MAST4: variants seen among roughly 807,000 people sequenced by gnomAD.
MAST4 encodes microtubule-associated serine/threonine-protein kinase 4.
In MAST4, 89 loss-of-function variants were observed where a neutral mutation model predicts 162.7. The observed-to-expected ratio is 0.55, with a 90% CI of 0.46 to 0.65. The LOEUF is 0.65. Ranked by LOEUF, MAST4 falls within the 30% of genes least tolerant of loss-of-function variation. The pLI, the probability that MAST4 is intolerant of heterozygous loss-of-function variation, is 0.00. For missense variants in MAST4, 3,153 were observed against 3,374.0 expected (o/e 0.93, Z 1.62); for synonymous variants, 1,479 against 1,361.1 (o/e 1.09, Z -1.91).
At chr5:66,793,876 A>C (rs1484560386) in intron 3 of MAST4, among the ~76,000 whole-genome samples, 1 of 152,162 alleles carries the variant, frequency 6.6e-6, no homozygotes, top group African/African-American at 2.4e-5. Context: ...CCAGTATACC[A>C]TATCGTTTGC....
intron 1 of MAST4, among the ~76,000 whole-genome samples, chr5:66,604,530 G>C (rs926908024): frequency 1.3e-5 from 2 of 152,170 alleles, no homozygotes; most frequent in Non-Finnish European, 2.9e-5. Flanking sequence ...TAATGTTCTT[G>C]GTTTGTGCTT....
intron 4 of MAST4, among the ~76,000 whole-genome samples, chr5:66,986,922 A>G (rs967285656): frequency 1.3e-5 from 2 of 152,160 alleles, no homozygotes; most frequent in South Asian, 2.1e-4. Flanking sequence ...AAACGTGTCT[A>G]TATTTTGTTT....
At chr5:67,074,808 T>C (rs1561614283) in intron 5 of MAST4, among the ~76,000 whole-genome samples, 1 of 152,258 alleles carries the variant, frequency 6.6e-6, no homozygotes, top group Non-Finnish European at 1.5e-5. Flanking sequence ...TTTTATACTT[T>C]AATGTATTTT....
intron 1 of MAST4, among the ~76,000 whole-genome samples, chr5:66,631,631 T>C (rs1158850584): frequency 6.6e-6 from 1 of 152,092 alleles, no homozygotes; most frequent in Non-Finnish European, 1.5e-5. Context: ...TAATGTAACT[T>C]TGGACGTAAA....
rs562108363 is a variant in MAST4 at position 67,122,610 on chromosome 5, G to T, written c.1745+1508G>T. On this transcript the variant is annotated intron_variant, in intron 14 of 28. Transcript: ENST00000403625. ...CCTGAAGATTTCTTTCTTCATTAGG[G>T]AGAAGATTAAACTTTGATTTAATGG... Among the ~76,000 whole-genome samples the T allele has an allele frequency of 2.0e-5, 3 of 152,242 alleles. No individual in the cohort carries two copies. In the South Asian group the frequency reaches 6.2e-4, roughly 32 times the overall value.
intron 23 of MAST4, 29 bp downstream of exon 23, chr5:67,145,408 C>T: frequency 6.3e-7 from 1 of 1,584,890 alleles, no homozygotes; most frequent in African/African-American, 1.3e-5. Context: ...TGCCTGCTGT[C>T]CTCCTCACCA....
chr5:67,102,383 G>A (rs749447082), intron 8 of MAST4, 153 bp from the exon 9 acceptor site: 1 of 722,882 alleles, frequency 1.4e-6, no homozygotes, highest in African/African-American at 1.7e-5. Context: ...GTGTGCATGT[G>A]TACTAATGAC....
intron 10 of MAST4, among the ~76,000 whole-genome samples, chr5:67,105,166 A>G (rs550414726): frequency 2.6e-5 from 4 of 152,294 alleles, no homozygotes; most frequent in Non-Finnish European, 4.4e-5. Context: ...GAGAGTCTGT[A>G]TGGGGGAATG....
intron 17 of MAST4, 91 bp downstream of exon 17, chr5:67,133,737 A>C (rs1357834257): frequency 1.4e-6 from 2 of 1,387,872 alleles, no homozygotes; most frequent in Non-Finnish European, 2.0e-6. Context: ...CCATCTTCAC[A>C]TTAGTGCTGG....
chr5:66,715,096 T>C (rs1750735602), intron 1 of MAST4, among the ~76,000 whole-genome samples: 1 of 152,142 alleles, frequency 6.6e-6, no homozygotes, highest in Admixed American at 6.6e-5. Flanking sequence ...CCCTATATAC[T>C]CTTTCCCAAA....
intron 4 of MAST4, among the ~76,000 whole-genome samples, chr5:67,052,386 C>T (rs903978237): frequency 6.6e-6 from 1 of 151,920 alleles, no homozygotes; most frequent in African/African-American, 2.4e-5. Flanking sequence ...TTTTTGAAAT[C>T]ACTTTTCTAC....
In MAST4 at chr5:67,163,076, C is replaced by T; in HGVS notation, c.3968-71C>T. ...CTTACCTGGCCTTACCTAATACAGT[C>T]TGGGCTACAACTGTGAAAAAAAGGG... On this transcript the variant is annotated intron_variant, in intron 28 of 28. Coordinates refer to ENST00000403625, the MANE Select transcript of MAST4 (RefSeq NM_001164664.2). This position sits in a 1 kb window ranked among gnomAD's most constrained non-coding sequence, Gnocchi z 7.0. 2.0e-6 allele frequency: 3 copies of T among 1,488,668 alleles called. No homozygotes were observed. In the South Asian group the frequency reaches 3.8e-5, roughly 19 times the overall value. 92.2% of individuals were successfully genotyped at this position (1,488,668 alleles called of 1,614,324 possible).
chr5:66,921,214 A>G (rs919531324), intron 4 of MAST4, among the ~76,000 whole-genome samples: 1 of 152,208 alleles, frequency 6.6e-6, no homozygotes, highest in Non-Finnish European at 1.5e-5. Context: ...TAGAGCCCCT[A>G]AGTCTGACAT....
At chr5:66,828,727 A>G (rs981421881) in intron 3 of MAST4, 9 of 1,485,144 alleles carry the variant, frequency 6.1e-6, no homozygotes, top group Admixed American at 6.0e-5. Context: ...GGCTCCAATC[A>G]GCTAGAGCGT....
At chr5:66,838,685 G>T (rs898120180) in intron 3 of MAST4, among the ~76,000 whole-genome samples, 4 of 152,210 alleles carry the variant, frequency 2.6e-5, no homozygotes, top group Admixed American at 6.5e-5. Context: ...ATTTCTGCCG[G>T]ATGGTGAAGG....
chr5:66,904,439 G>A (rs187294075), intron 4 of MAST4, among the ~76,000 whole-genome samples: 23 of 152,310 alleles, frequency 1.5e-4, no homozygotes, highest in African/African-American at 4.8e-4. Flanking sequence ...AGATGTCTCC[G>A]TATAGAGAAG....
intron 1 of MAST4, among the ~76,000 whole-genome samples, chr5:66,742,904 G>A (rs1752552584): frequency 6.6e-6 from 1 of 152,100 alleles, no homozygotes; most frequent in Non-Finnish European, 1.5e-5. Flanking sequence ...TCATAACCCC[G>A]GGTGAATAGT....
At chr5:67,089,426 G>A (rs1246045380) in intron 5 of MAST4, among the ~76,000 whole-genome samples, 1 of 152,184 alleles carries the variant, frequency 6.6e-6, no homozygotes. Context: ...ACCCCTGAAG[G>A]CCTGGGGAAG....
At chr5:67,150,871 A>G (rs1771712575) in intron 24 of MAST4, among the ~76,000 whole-genome samples, 1 of 152,174 alleles carries the variant, frequency 6.6e-6, no homozygotes, top group Admixed American at 6.5e-5. Flanking sequence ...GAAGTCAGAG[A>G]GGGAAGGAGC....
Sources: gnomAD v4.1 joint callset for allele counts (sites outside exome capture counted in the v4.1 genomes callset) on GRCh38, gnomAD v4.1.1 for gene constraint, Gnocchi (gnomAD v3.1) non-coding constraint, MANE v1.5 for transcripts, NCBI Gene and HGNC (gene_info 2026-07-23, HGNC 2026-07-21) for gene names.